Variants in ATG10 observed in about 807,000 individuals in gnomAD.
ATG10 encodes the protein autophagy related 10.
A neutral mutation model predicts 32.1 loss-of-function variants in ATG10; 30 were observed. The ratio of observed to expected loss-of-function variants is 0.94; its 90% CI spans 0.70 to 1.27. ATG10 has a LOEUF of 1.27. Ranked by LOEUF, ATG10 falls within the 50% of genes most tolerant of loss-of-function variation. The pLI, the probability that ATG10 is intolerant of heterozygous loss-of-function variation, is 0.00. For missense variants in ATG10, 233 were observed against 262.3 expected (o/e 0.89, Z 0.77); for synonymous variants, 87 against 91.5 (o/e 0.95, Z 0.28).
chr5:82,130,359 G>A (rs1440897288), intron 3 of ATG10, among the ~76,000 whole-genome samples: 1 of 152,044 alleles, frequency 6.6e-6, no homozygotes, highest in Non-Finnish European at 1.5e-5. Flanking sequence ...GAATGGTTCT[G>A]TCTCGCTGGC....
chr5:82,032,686 A>G (rs1359928806), intron 2 of ATG10, among the ~76,000 whole-genome samples: 1 of 151,658 alleles, frequency 6.6e-6, no homozygotes, highest in Non-Finnish European at 1.5e-5. Flanking sequence ...AGAGATTACC[A>G]GTGTTAACAG....
At chr5:82,063,273 C>G (rs967971018) in intron 3 of ATG10, among the ~76,000 whole-genome samples, 1 of 152,098 alleles carries the variant, frequency 6.6e-6, no homozygotes, top group Non-Finnish European at 1.5e-5. Context: ...GAGCTATGAT[C>G]ACAGCACTGC....
chr5:82,170,790 CA>C (rs1047245134), intron 4 of ATG10, among the ~76,000 whole-genome samples: 1 of 150,306 alleles, frequency 6.7e-6, no homozygotes, highest in Non-Finnish European at 1.5e-5. Flanking sequence ...TACTAAAATA[CA>C]AAAAAAAATA....
intron 2 of ATG10, among the ~76,000 whole-genome samples, chr5:82,019,567 G>GA (rs1762381814): frequency 6.6e-6 from 1 of 152,162 alleles, no homozygotes; most frequent in Admixed American, 6.5e-5. Flanking sequence ...GAAGAACTGA[G>GA]AACCTCCACC....
chr5:82,227,401 G>A (rs1746175491), intron 5 of ATG10, among the ~76,000 whole-genome samples: 1 of 151,572 alleles, frequency 6.6e-6, no homozygotes, highest in Non-Finnish European at 1.5e-5. Flanking sequence ...TTTTGAGATA[G>A]GATCTATCTG....
chr5:82,077,134 C>G (rs1197403551), intron 3 of ATG10, among the ~76,000 whole-genome samples: 1 of 152,114 alleles, frequency 6.6e-6, no homozygotes, highest in Non-Finnish European at 1.5e-5. Context: ...CCAGCCTGGG[C>G]AACATGGCAA....
chr5:81,985,703 TAGAG>T (rs1175345151), intron 1 of ATG10, among the ~76,000 whole-genome samples: 1 of 152,236 alleles, frequency 6.6e-6, no homozygotes, highest in Non-Finnish European at 1.5e-5. Flanking sequence ...TTATTTTTCT[TAGAG>T]AGACTGACTT....
chr5:82,055,241 C>A (rs1763554602), intron 2 of ATG10, among the ~76,000 whole-genome samples: 1 of 151,888 alleles, frequency 6.6e-6, no homozygotes, highest in African/African-American at 2.4e-5. Context: ...AAGATTGATA[C>A]TGAAAAAAAA....
intron 3 of ATG10, among the ~76,000 whole-genome samples, chr5:82,101,275 AG>A (rs1328357233): frequency 6.6e-6 from 1 of 152,278 alleles, no homozygotes; most frequent in East Asian, 1.9e-4. Flanking sequence ...TCCATCCTCA[AG>A]ATCACCTTGT....
rs531892681 is a variant in ATG10, at chr5:82,061,544, A to G, written c.216+2942A>G. Among the ~76,000 whole-genome samples the G allele has an allele frequency of 1.6e-4, 24 of 151,948 alleles. No homozygotes were observed. The South Asian group carries it at 4.4e-3, about 28-fold the overall frequency. On this transcript the variant is annotated intron_variant, in intron 3 of 7. Coordinates refer to ENST00000282185, the MANE Select transcript of ATG10 (RefSeq NM_031482.5). ...TCAATGAGTATCTGTTATTTGACTA[A>G]ACCTTCAGGTTTAATTACCCATAGA...
intron 3 of ATG10, among the ~76,000 whole-genome samples, chr5:82,136,438 C>T (rs1003253560): frequency 1.3e-5 from 2 of 152,192 alleles, no homozygotes; most frequent in Non-Finnish European, 2.9e-5. Flanking sequence ...CAAAATCTCT[C>T]AGCATTTGCT....
chr5:82,063,113 G>A (rs1763834822), intron 3 of ATG10, among the ~76,000 whole-genome samples: 1 of 152,072 alleles, frequency 6.6e-6, no homozygotes. Context: ...GAGGCCAGGA[G>A]TTTGAGATCA....
chr5:82,129,457 G>A (rs1296250499), intron 3 of ATG10, among the ~76,000 whole-genome samples: 1 of 152,060 alleles, frequency 6.6e-6, no homozygotes, highest in African/African-American at 2.4e-5. Flanking sequence ...TTTTTGCACT[G>A]ATTTTTCCTC....
intron 5 of ATG10, among the ~76,000 whole-genome samples, chr5:82,216,751 A>G (rs182981474): frequency 1.3e-5 from 2 of 152,286 alleles, no homozygotes; most frequent in African/African-American, 2.4e-5. Flanking sequence ...GTCCACAGCT[A>G]TAAGAATGAA....
chr5:82,009,123 C>A (rs1762059743), intron 2 of ATG10, among the ~76,000 whole-genome samples: 1 of 152,084 alleles, frequency 6.6e-6, no homozygotes, highest in African/African-American at 2.4e-5. Flanking sequence ...ACCATTGAGG[C>A]CAAATTGTTT....
intron 5 of ATG10, among the ~76,000 whole-genome samples, chr5:82,218,645 C>T (rs1328244646): frequency 6.6e-6 from 1 of 152,038 alleles, no homozygotes; most frequent in Non-Finnish European, 1.5e-5. Flanking sequence ...CTTTATAGTA[C>T]CACAATAATT....
At chr5:82,246,001 T>A (rs1747013492) in intron 5 of ATG10, among the ~76,000 whole-genome samples, 1 of 152,150 alleles carries the variant, frequency 6.6e-6, no homozygotes, top group Non-Finnish European at 1.5e-5. Flanking sequence ...GAAAAAGCTT[T>A]TGGGTTTCAC....
chr5:81,992,226 GC>G (rs1390532723), intron 2 of ATG10: 3 of 152,212 alleles, frequency 2.0e-5, no homozygotes, highest in Admixed American at 2.0e-4. Context: ...CTGGGCTCAA[GC>G]TGTCCTCCTA....
At chr5:82,009,566 C>A in intron 2 of ATG10, 5 of 1,529,558 alleles carry the variant, frequency 3.3e-6, no homozygotes, top group Non-Finnish European at 4.5e-6. Context: ...AAGGAATGGT[C>A]TGGTGGTTAA....
Sources: gnomAD v4.1 joint callset for allele counts (sites outside exome capture counted in the v4.1 genomes callset) on GRCh38, gnomAD v4.1.1 for gene constraint, MANE v1.5 for transcripts, NCBI Gene and HGNC (gene_info 2026-07-23, HGNC 2026-07-21) for gene names.